The following LIFR variants were observed in gnomAD, a reference collection of about 807,000 sequenced individuals.
LIFR encodes the protein leukemia inhibitory factor receptor.
A neutral mutation model predicts 122.2 loss-of-function variants in LIFR; 84 were observed. The ratio of observed to expected loss-of-function variants is 0.69; its 90% CI spans 0.58 to 0.82. LIFR has a LOEUF of 0.82. Ranked by LOEUF, LIFR falls within the 40% of genes least tolerant of loss-of-function variation. The probability of loss-of-function intolerance (pLI) is 0.00; values close to 1 mark genes in which losing one functional copy is unlikely to be tolerated. For synonymous variants in LIFR, 422 were observed against 434.7 expected (o/e 0.97, Z 0.36); for missense variants, 1,294 against 1,311.6 (o/e 0.99, Z 0.21).
At chr5:38,545,770 G>A (rs1370300795) in intron 1 of LIFR, among the ~76,000 whole-genome samples, 2 of 150,872 alleles carry the variant, frequency 1.3e-5, no homozygotes, top group African/African-American at 2.4e-5. Flanking sequence ...GCTGAGGCAG[G>A]AGAATGGCGT....
intron 1 of LIFR, among the ~76,000 whole-genome samples, chr5:38,573,285 G>C (rs1020996476): frequency 6.6e-6 from 1 of 152,178 alleles, no homozygotes; most frequent in Admixed American, 6.5e-5. Context: ...TTGACTCTCT[G>C]CTTACTAACT....
intron 1 of LIFR, among the ~76,000 whole-genome samples, chr5:38,539,762 C>T (rs1747487965): frequency 6.6e-6 from 1 of 152,032 alleles, no homozygotes; most frequent in Non-Finnish European, 1.5e-5. Context: ...CACAATAATT[C>T]TATCTAGGTA....
chr5:38,502,620 T>C lies in LIFR; in HGVS notation c.1600+17A>G, dbSNP rs773693520. 258 of 1,591,258 alleles carry C rather than the reference T, an allele frequency of 1.6e-4. 6 individuals carry two copies. In the South Asian group the frequency reaches 2.7e-3, roughly 17 times the overall value. ...ATACACAGTAATTATTAGCCATACA[T>C]CACTTAGTTAACTTACTGGCTTCTG... On this transcript the variant is annotated intron_variant, in intron 11 of 19. Transcript: ENST00000453190.
intron 12 of LIFR, among the ~76,000 whole-genome samples, chr5:38,497,218 G>C (rs1580035987): frequency 6.6e-6 from 1 of 152,168 alleles, no homozygotes; most frequent in Admixed American, 6.5e-5. Flanking sequence ...GGCAGGTGGA[G>C]GTCACAGTGA....
intron 1 of LIFR, among the ~76,000 whole-genome samples, chr5:38,544,209 C>A (rs1446395088): frequency 1.3e-5 from 2 of 152,100 alleles, no homozygotes; most frequent in African/African-American, 4.8e-5. Flanking sequence ...TCCAGTCTTG[C>A]TCCCCACCAA....
At chr5:38,561,936 C>T (rs1237884312) in intron 1 of LIFR, among the ~76,000 whole-genome samples, 1 of 152,208 alleles carries the variant, frequency 6.6e-6, no homozygotes, top group Admixed American at 6.5e-5. Context: ...GATACACTAA[C>T]ATTTGCTTAA....
At chr5:38,501,288 C>T (rs62353658) in intron 11 of LIFR, among the ~76,000 whole-genome samples, 5,945 of 152,188 alleles carry the variant, frequency 0.039, 172 homozygotes, top group Middle Eastern at 0.1. Context: ...TTACACATGT[C>T]GCAAAATGCC....
intron 6 of LIFR, among the ~76,000 whole-genome samples, chr5:38,511,340 A>G (rs749471600): frequency 2.0e-5 from 3 of 152,184 alleles, no homozygotes; most frequent in Non-Finnish European, 2.9e-5. Flanking sequence ...GAAACTGCCA[A>G]CATTCTCCCT....
intron 10 of LIFR, among the ~76,000 whole-genome samples, chr5:38,503,424 T>A (rs1196733017): frequency 7.2e-5 from 11 of 152,146 alleles, no homozygotes; most frequent in Non-Finnish European, 4.4e-5. Flanking sequence ...ACAAAGAAGG[T>A]TTTCAGGTTA....
chr5:38,541,061 C>T (rs763176954), intron 1 of LIFR, among the ~76,000 whole-genome samples: 16 of 152,116 alleles, frequency 1.1e-4, no homozygotes, highest in Non-Finnish European at 2.2e-4. Context: ...TATTTAACCC[C>T]AGATATCAAA....
rs554313756 is a variant in LIFR at position 38,496,950 on chromosome 5, C to A, written c.1672-355G>T. ...CAAGATCATGCCACTGTACTCCAGT[C>A]TGAGCAACAGAGCGAGACTCCATCT... is the stretch of plus-strand genomic sequence containing the variant. On this transcript the variant is annotated intron_variant, in intron 12 of 19. Coordinates refer to ENST00000453190, the MANE Select transcript of LIFR (RefSeq NM_001127671.2). 3.3e-5 allele frequency among the ~76,000 whole-genome samples: 5 copies of A among 152,212 alleles called. No homozygotes were observed. In the East Asian group the frequency reaches 9.7e-4, roughly 29 times the overall value.
At chr5:38,534,714 A>G (rs745602059) in intron 1 of LIFR, among the ~76,000 whole-genome samples, 26 of 152,196 alleles carry the variant, frequency 1.7e-4, no homozygotes, top group Admixed American at 9.2e-4. Context: ...GAACAACATC[A>G]GAATAAATTA....
chr5:38,574,651 T>G (rs537099147), intron 1 of LIFR, among the ~76,000 whole-genome samples: 1 of 152,290 alleles, frequency 6.6e-6, no homozygotes, highest in South Asian at 2.1e-4. Flanking sequence ...AAGTTCGAAC[T>G]CAGGTCTTTC....
chr5:38,502,828 A>G (rs759785763), intron 10 of LIFR, 29 bp from the exon 11 acceptor site: 52 of 1,257,598 alleles, frequency 4.1e-5, no homozygotes, highest in African/African-American at 9.1e-5. Context: ...ATATATATAT[A>G]TGTATATATT....
chr5:38,548,794 CA>C (rs1391185598), intron 1 of LIFR, among the ~76,000 whole-genome samples: 1 of 152,038 alleles, frequency 6.6e-6, no homozygotes, highest in Non-Finnish European at 1.5e-5. Context: ...TAAAACTCGA[CA>C]AAGTATTTCC....
chr5:38,558,243 G>A (rs190793578), upstream of LIFR: 1 of 152,200 alleles, frequency 6.6e-6, no homozygotes, highest in Non-Finnish European at 1.5e-5. Context: ...CTCAACGAAG[G>A]CAAAAAGGCC....
In LIFR at chr5:38,528,812, A is replaced by C; in HGVS notation, c.171T>G (p.Thr57=). ...KGAPHDLKCV[T]NNLQVWNCSW... ...AACAGTTCCACACTTGCAAATTGTT[A>C]GTTACACACTTCAAATCATGAGGAG... The change falls in exon 3 of 20, where the codon ACT becomes ACG. Residue 57 remains threonine (T), a synonymous_variant. Coordinates refer to ENST00000453190, the MANE Select transcript of LIFR (RefSeq NM_001127671.2). The C allele has an allele frequency of 6.3e-7, 1 of 1,578,778 alleles. No homozygotes were observed. Among genetic ancestry groups the C allele is most frequent in the Non-Finnish European group, 8.6e-7 (1 of 1,159,618 alleles).
At chr5:38,497,336 A>G (rs1429845739) in intron 12 of LIFR, among the ~76,000 whole-genome samples, 1 of 152,242 alleles carries the variant, frequency 6.6e-6, no homozygotes, top group Non-Finnish European at 1.5e-5. Context: ...ACAGATTTAA[A>G]ATCCACTGGG....
rs961890704 is a variant in LIFR, at chr5:38,480,747, A to G, written c.*848T>C. 4 of 211,600 alleles carry G rather than the reference A, an allele frequency of 1.9e-5. No homozygotes were observed. Among genetic ancestry groups the G allele is most frequent in the African/African-American group, 9.1e-5 (4 of 44,146 alleles). The allele number at this position is 211,600 out of a possible 1,614,324, so 13.1% of individuals were successfully genotyped here. ...TGAATAATATTGAATTTGCTCATAT[A>G]AAGCTGTCACTGTATCACAAAATAA... On this transcript the variant is annotated 3_prime_UTR_variant, in exon 20 of 20. Coordinates refer to ENST00000453190, the MANE Select transcript of LIFR (RefSeq NM_001127671.2).
Sources: gnomAD v4.1 joint callset for allele counts (sites outside exome capture counted in the v4.1 genomes callset) on GRCh38, gnomAD v4.1.1 for gene constraint, MANE v1.5 for transcripts, NCBI Gene and HGNC (gene_info 2026-07-23, HGNC 2026-07-21) for gene names.